Variants in DNAH17 observed in about 807,000 individuals in gnomAD.
DNAH17 encodes the protein axonemal beta dynein heavy chain 17.
Under a neutral mutation model 485.6 loss-of-function variants are expected in DNAH17, and 376 were observed. That is an observed-to-expected ratio of 0.77 (90% CI 0.71 to 0.84). The LOEUF (loss-of-function observed/expected upper bound fraction) is 0.84, where lower values mean the gene tolerates loss of function less well. Among genes scored for constraint, DNAH17 ranks in the 40% least tolerant of loss-of-function variants. The pLI, the probability that DNAH17 is intolerant of heterozygous loss-of-function variation, is 0.00. For synonymous variants in DNAH17, 3,031 were observed against 2,405.9 expected, an observed-to-expected ratio of 1.26 and a Z score of -7.60; for missense variants, 6,370 against 5,839.3, an observed-to-expected ratio of 1.09 and a Z score of -2.96.
At chr17:78,567,542 G>A (rs945634705) in intron 9 of DNAH17, among the ~76,000 whole-genome samples, 7 of 152,190 alleles carry the variant, frequency 4.6e-5, no homozygotes, top group African/African-American at 1.7e-4. Flanking sequence ...TGGTGCTGAA[G>A]ATTTCTGATG....
chr17:78,461,618 T>A lies in DNAH17; in HGVS notation c.9265A>T (p.Ile3089Phe), dbSNP rs375210500. The A allele has an allele frequency of 8.7e-6, 14 of 1,610,358 alleles. No individual in the cohort carries two copies. The highest frequency in any genetic ancestry group is 6.7e-5 in the East Asian group (3 of 44,700). Residue 3089 changes from isoleucine (I) to phenylalanine (F), a missense_variant, in exon 58 of 81, where the codon ATC becomes TTC. By Grantham distance (21) the Ile-to-Phe change is conservative. Transcript: ENST00000389840. ...TCTTTGCTGACCTTCTCGGCCTCGA[T>A]GCCGACCACCTGGATCAGTTGGTCT... ...SADQLIQVVG[I>F]EAEKVSKEKA... is the part of the protein sequence containing the mutation.
intron 55 of DNAH17, 60 bp downstream of exon 55, chr17:78,468,557 C>T (rs2088595499): frequency 6.4e-7 from 1 of 1,553,404 alleles, no homozygotes; most frequent in Non-Finnish European, 8.7e-7. Flanking sequence ...AAACCCATAC[C>T]CTGTAGGCCA....
intron 19 of DNAH17, among the ~76,000 whole-genome samples, chr17:78,535,694 C>T (rs2091356629): frequency 6.6e-6 from 1 of 152,176 alleles, no homozygotes; most frequent in Non-Finnish European, 1.5e-5. Flanking sequence ...CTCCCCTCCC[C>T]TCCTTCCTCC....
At chr17:78,567,281 A>G in intron 9 of DNAH17, 115 bp from the exon 10 acceptor site, 1 of 1,077,794 alleles carries the variant, frequency 9.3e-7, no homozygotes, top group Non-Finnish European at 1.3e-6. Flanking sequence ...TGTCCCCAGG[A>G]GACACCAACC....
At chr17:78,541,576 G>C (rs1303088064) in intron 17 of DNAH17, among the ~76,000 whole-genome samples, 1 of 151,986 alleles carries the variant, frequency 6.6e-6, no homozygotes, top group African/African-American at 2.4e-5. Context: ...TGACTGTCAT[G>C]AGAGTAGCCA....
Position 78,485,682 on chromosome 17 carries a change from C to G in DNAH17, c.7351G>C (p.Val2451Leu), listed in dbSNP as rs765363984. 49 of 1,613,930 alleles carry G rather than the reference C, an allele frequency of 3.0e-5. No homozygotes were observed. Among genetic ancestry groups the G allele is most frequent in the Non-Finnish European group, 4.0e-5 (47 of 1,179,914 alleles). Reference protein sequence around the residue: ...MDLLMEKSWPVMLVGNAGTGK... With the variant: ...MDLLMEKSWPLMLVGNAGTGK... ...GTCCCCGCGTTCCCCACCAGCATCACCGGCCAGGACTTCTCCATGAGCAGG... is the reference window on the plus strand; with the variant it reads ...GTCCCCGCGTTCCCCACCAGCATCAGCGGCCAGGACTTCTCCATGAGCAGG... The change falls in exon 47 of 81, where the codon GTG (valine) becomes CTG (leucine). Residue 2451 changes from valine (V) to leucine (L), a missense_variant. By Grantham distance (32) the Val-to-Leu change is conservative (BLOSUM62 1). Coordinates refer to ENST00000389840, the MANE Select transcript of DNAH17 (RefSeq NM_173628.4).
In DNAH17 at chr17:78,537,449, C is replaced by T. The variant is rs1205218599; in HGVS notation, c.2709G>A (p.Met903Ile). The T allele has an allele frequency of 6.2e-7, 1 of 1,613,416 alleles. No individual in the cohort carries two copies. The highest frequency in any genetic ancestry group is 8.5e-7 in the Non-Finnish European group (1 of 1,179,852). The change falls in exon 19 of 81, where the codon ATG becomes ATA. Residue 903 changes from methionine to isoleucine, a missense_variant. Met to Ile is a conservative substitution (Grantham distance 10, BLOSUM62 1). Coordinates refer to ENST00000389840, the MANE Select transcript of DNAH17 (RefSeq NM_173628.4). ...AGGTCAGCCCATCCTCGTCCAGCTC[C>T]ATGCGGATCTCAAACAGGGGAGCGA... is the stretch of plus-strand genomic sequence containing the variant. ...ESIAPLFEIRMELDEDGLTFN... is the reference protein window; with the variant it reads ...ESIAPLFEIRIELDEDGLTFN...
intron 67 of DNAH17, 117 bp downstream of exon 67, chr17:78,450,565 C>G (rs535032018): frequency 7.0e-7 from 1 of 1,433,618 alleles, no homozygotes; most frequent in South Asian, 1.3e-5. Context: ...TGGGCCCACT[C>G]GGGCACGTAT....
At chr17:78,514,403 G>A (rs1668517100) in intron 26 of DNAH17, among the ~76,000 whole-genome samples, 1 of 147,850 alleles carries the variant, frequency 6.8e-6, no homozygotes, top group South Asian at 2.1e-4. Flanking sequence ...TACTTGGGAG[G>A]CTAAGGCAGA....
chr17:78,493,937 G>A (rs1679347403), intron 41 of DNAH17, 99 bp downstream of exon 41: 2 of 1,459,642 alleles, frequency 1.4e-6, no homozygotes, highest in Non-Finnish European at 1.8e-6. Flanking sequence ...CTGGGTTGGG[G>A]TCTCCGGGGT....
intron 77 of DNAH17, 170 bp from the exon 78 acceptor site, chr17:78,427,278 G>A (rs888896672): frequency 1.5e-6 from 1 of 651,474 alleles, no homozygotes; most frequent in Non-Finnish European, 2.6e-6. Flanking sequence ...CACATTTGAT[G>A]AGGAGAGGGA....
At chr17:78,516,091 T>C (rs2090771687) in intron 25 of DNAH17, among the ~76,000 whole-genome samples, 1 of 152,306 alleles carries the variant, frequency 6.6e-6, no homozygotes. Flanking sequence ...CTTGAGAACG[T>C]AAAAACTGGG....
In DNAH17 at chr17:78,500,526, TGA is replaced by T. The variant is rs775195302; in HGVS notation, c.5484-67_5484-66del. 5.5e-6 allele frequency: 8 copies of T among 1,457,620 alleles called. No homozygotes were observed. The South Asian group carries it at 1.2e-4, about 21-fold the overall frequency. 90.3% of individuals were successfully genotyped at this position (1,457,620 alleles called of 1,614,324 possible). A position where few individuals can be genotyped will look rare whatever the true frequency, so the allele number is the denominator to read the frequency against. ...CATGGCCTCCCTGCTTTTATTTTTTTGAGACAGAGTCTCACTCTGTCACCCAG... is the reference window on the plus strand; with the variant it reads ...CATGGCCTCCCTGCTTTTATTTTTTTGACAGAGTCTCACTCTGTCACCCAG... On this transcript the variant is annotated intron_variant, in intron 35 of 80. Transcript: ENST00000389840.
intron 16 of DNAH17, among the ~76,000 whole-genome samples, chr17:78,545,302 T>C (rs2091728748): frequency 1.3e-5 from 2 of 152,330 alleles, no homozygotes; most frequent in South Asian, 2.1e-4. Flanking sequence ...TGCTTCATGG[T>C]CAGAAAAACG....
In DNAH17 at chr17:78,427,122, C is replaced by G. The variant is rs2086502359; in HGVS notation, c.12589-14G>C. ...CACGGCCTTCACCTGGAAGCCAGTC[C>G]CCGGACAGCCCCTGTCACTGCAAAG... On this transcript the variant is annotated splice_polypyrimidine_tract_variant and intron_variant, in intron 77 of 80. Coordinates refer to ENST00000389840, the MANE Select transcript of DNAH17 (RefSeq NM_173628.4). 1 of 1,560,178 alleles carries G rather than the reference C, an allele frequency of 6.4e-7. No individual in the cohort carries two copies.
Position 78,423,835 on chromosome 17 carries a change from C to T in DNAH17, c.*71G>A, listed in dbSNP as rs1568024701. 1 of 1,561,800 alleles carries T rather than the reference C, an allele frequency of 6.4e-7. No individual in the cohort carries two copies. The highest frequency in any genetic ancestry group is 1.4e-5 in the African/African-American group (1 of 73,640). The stretch of plus-strand genomic sequence containing the variant: ...CCACCAGTTCCTGTAAAGAATAAGT[C>T]ACAGGTGCACAGGTGAAGGGCTGAG... On this transcript the variant is annotated 3_prime_UTR_variant, in exon 81 of 81. Coordinates refer to ENST00000389840, the MANE Select transcript of DNAH17 (RefSeq NM_173628.4).
intron 58 of DNAH17, among the ~76,000 whole-genome samples, chr17:78,461,244 G>A (rs2088109358): frequency 6.6e-6 from 1 of 152,214 alleles, no homozygotes; most frequent in African/African-American, 2.4e-5. Flanking sequence ...AGCTGAGCTG[G>A]AGCCCGAGAG....
intron 6 of DNAH17, 78 bp downstream of exon 6, chr17:78,570,870 A>AAAAAAAAAG: frequency 1.3e-6 from 1 of 759,320 alleles, no homozygotes. Context: ...AAAAAAAAAA[A>AAAAAAAAAG]AAAAAAAAGA....
intron 48 of DNAH17, among the ~76,000 whole-genome samples, chr17:78,481,375 T>TAC (rs542216441): frequency 2.6e-5 from 4 of 152,162 alleles, no homozygotes; most frequent in Non-Finnish European, 4.4e-5. Context: ...ATGCTGGGAT[T>TAC]ACTCCATGTG....
Sources: gnomAD v4.1 joint callset for allele counts (sites outside exome capture counted in the v4.1 genomes callset) on GRCh38, gnomAD v4.1.1 for gene constraint, MANE v1.5 for transcripts, NCBI Gene and HGNC (gene_info 2026-07-23, HGNC 2026-07-21) for gene names.